The following BBS1 variants were observed in gnomAD, a reference collection of about 807,000 sequenced individuals.
BBS1 encodes the protein Bardet-Biedl syndrome 1.
BBS1 carries 60 observed loss-of-function variants against 73.9 expected under a neutral mutation model. That is an observed-to-expected ratio of 0.81 (90% CI 0.66 to 1.01). The LOEUF (loss-of-function observed/expected upper bound fraction) is 1.01. Among genes scored for constraint, BBS1 ranks in the 50% least tolerant of loss-of-function variants. The pLI is 0.00. For synonymous variants in BBS1, 283 were observed against 317.4 expected, an observed-to-expected ratio of 0.89 and a Z score of 1.15; for missense variants, 718 against 770.3, an observed-to-expected ratio of 0.93 and a Z score of 0.80.
intron 7 of BBS1, among the ~76,000 whole-genome samples, chr11:66,519,293 C>A (rs958516490): frequency 6.6e-6 from 1 of 152,138 alleles, no homozygotes; most frequent in African/African-American, 2.4e-5. Flanking sequence ...ATTGCTTGAA[C>A]CTGCGAGGCA....
chr11:66,511,066 T>C lies in BBS1; in HGVS notation c.101T>C (p.Ile34Thr), dbSNP rs778261474. The change falls in exon 2 of 17, where the codon ATC (isoleucine) becomes ACC (threonine). Residue 34 changes from isoleucine (I) to threonine (T), a missense_variant. Physicochemically the swap from Ile to Thr is moderately conservative, Grantham distance 89. Transcript: ENST00000318312. ...LDAHYDPMAN[I>T]HTFSACLALA... ...GCGCACTACGACCCAATGGCCAATA[T>C]CCACACCTTTTCTGCCTGCCTAGGT... 1 of 1,614,116 alleles carries C rather than the reference T, an allele frequency of 6.2e-7. No homozygotes were observed.
Position 66,522,215 on chromosome 11 carries a change from C to CA in BBS1, c.830+848dup, listed in dbSNP as rs1236710595. Among the ~76,000 whole-genome samples the CA allele has an allele frequency of 5.0e-3, 688 of 138,326 alleles. 4 individuals are homozygous for CA. Among genetic ancestry groups the CA allele is most frequent in the African/African-American group, 0.017 (654 of 37,418 alleles). 90.7% of individuals were successfully genotyped at this position (138,326 alleles called of 152,430 possible). A position where few individuals can be genotyped will look rare whatever the true frequency, so the allele number is the denominator to read the frequency against. On this transcript the variant is annotated intron_variant, in intron 9 of 16. Coordinates refer to ENST00000318312, the MANE Select transcript of BBS1 (RefSeq NM_024649.5). ...CTGGGCACAGAGCGAGACTCTGTCT[C>CA]AAAAAAAAAGAAAAGGAAACAGATG...
chr11:66,527,444 GC>G (rs1856566009), intron 13 of BBS1: 1 of 253,332 alleles, frequency 3.9e-6, no homozygotes, highest in Non-Finnish European at 7.8e-6. Flanking sequence ...GCGGAGATGG[GC>G]AGATCATGAG....
rs1263024783 is a variant in BBS1, at chr11:66,511,048, A to G, written c.83A>G (p.Tyr28Cys). The change falls in exon 2 of 17, where the codon TAC (tyrosine) becomes TGC (cysteine). Residue 28 changes from tyrosine (Y) to cysteine (C), a missense_variant. Coordinates refer to ENST00000318312, the MANE Select transcript of BBS1 (RefSeq NM_024649.5). ...EANSKWLDAHYDPMANIHTFS... is the reference protein window; with the variant it reads ...EANSKWLDAHCDPMANIHTFS... ...AATTCGAAGTGGTTGGATGCGCACTACGACCCAATGGCCAATATCCACACC... is the reference window on the plus strand; with the variant it reads ...AATTCGAAGTGGTTGGATGCGCACTGCGACCCAATGGCCAATATCCACACC... The G allele has an allele frequency of 6.2e-7, 1 of 1,614,046 alleles. No individual in the cohort carries two copies. Among genetic ancestry groups the G allele is most frequent in the African/African-American group, 1.3e-5 (1 of 75,004 alleles).
chr11:66,522,336 CTTT>C (rs748766824), intron 9 of BBS1, among the ~76,000 whole-genome samples: 2 of 143,232 alleles, frequency 1.4e-5, no homozygotes. Flanking sequence ...ATATAAAATG[CTTT>C]TTTTTTTTTT....
chr11:66,526,008 C>A, intron 11 of BBS1, 115 bp from the exon 12 acceptor site: 1 of 877,810 alleles, frequency 1.1e-6, no homozygotes, highest in Non-Finnish European at 1.9e-6. Context: ...AGCGATTCCC[C>A]AGGCCTGTCT....
At chr11:66,524,835 G>A (rs2134801900) in intron 11 of BBS1, among the ~76,000 whole-genome samples, 1 of 152,272 alleles carries the variant, frequency 6.6e-6, no homozygotes, top group South Asian at 2.1e-4. Flanking sequence ...GGAAGGCTGA[G>A]GCAGGCGATC....
Position 66,531,566 on chromosome 11 carries a change from C to G in BBS1, c.1609-90C>G, listed in dbSNP as rs1483337509. ...TGCCCACCCTGCAGGGGTGCTGAGG[C>G]TCAGTGGAGACTGCGGGCCTGAATG... On this transcript the variant is annotated intron_variant, in intron 15 of 16. Coordinates refer to ENST00000318312, the MANE Select transcript of BBS1 (RefSeq NM_024649.5). 2.8e-5 allele frequency: 43 copies of G among 1,547,066 alleles called. No homozygotes were observed. The East Asian group carries it at 9.7e-4, about 35-fold the overall frequency.
chr11:66,516,758 T>C (rs965404767), intron 7 of BBS1, among the ~76,000 whole-genome samples: 3 of 152,102 alleles, frequency 2.0e-5, no homozygotes, highest in South Asian at 2.1e-4. Context: ...AGTCTCACTA[T>C]GTTGCCCAGG....
chr11:66,530,245 AC>A (rs1394708953), intron 14 of BBS1, among the ~76,000 whole-genome samples: 1 of 152,068 alleles, frequency 6.6e-6, no homozygotes, highest in Non-Finnish European at 1.5e-5. Flanking sequence ...CTTCCCAAGA[AC>A]CTGAAGGGAT....
intron 7 of BBS1, among the ~76,000 whole-genome samples, chr11:66,516,411 C>G (rs976873291): frequency 1.3e-5 from 2 of 152,136 alleles, no homozygotes; most frequent in Non-Finnish European, 2.9e-5. Context: ...CAGGTGTGAG[C>G]CATCGTGCCA....
chr11:66,519,771 G>T (rs1318731707), intron 8 of BBS1, 23 bp downstream of exon 8: 1 of 1,611,606 alleles, frequency 6.2e-7, no homozygotes, highest in African/African-American at 1.3e-5. Context: ...TCTGGCCCTG[G>T]GCCCGCTGGA....
At chr11:66,531,914 G>T (rs773951347) in intron 16 of BBS1, 37 bp from the exon 17 acceptor site, 7 of 1,569,982 alleles carry the variant, frequency 4.5e-6, no homozygotes, top group Non-Finnish European at 5.2e-6. Context: ...GGGGTCAGGG[G>T]TGTATGCCCC....
At chr11:66,519,148 G>C (rs1209846341) in intron 7 of BBS1, among the ~76,000 whole-genome samples, 1 of 152,202 alleles carries the variant, frequency 6.6e-6, no homozygotes, top group Admixed American at 6.5e-5. Flanking sequence ...ACTTTAGGGG[G>C]CTGAGGCGGG....
At chr11:66,519,919 G>C (rs1856152280) in intron 8 of BBS1, 171 bp downstream of exon 8, 2 of 739,168 alleles carry the variant, frequency 2.7e-6, no homozygotes, top group Admixed American at 5.5e-5. Context: ...GATGTATACT[G>C]TTAAAGTTGA....
In BBS1 at chr11:66,523,654, C is replaced by T. The variant is rs557602559; in HGVS notation, c.952-70C>T. 148 of 1,611,216 alleles carry T rather than the reference C, an allele frequency of 9.2e-5. No homozygotes were observed. In the African/African-American group the frequency reaches 1.7e-3, roughly 19 times the overall value. On this transcript the variant is annotated intron_variant, in intron 10 of 16. Coordinates refer to ENST00000318312, the MANE Select transcript of BBS1 (RefSeq NM_024649.5). ...CTTGGCAAGAGAGTCCTCTGGCTTCCCCACCCCAGAAACCGTTCTTTCCAC... is the reference window on the plus strand; with the variant it reads ...CTTGGCAAGAGAGTCCTCTGGCTTCTCCACCCCAGAAACCGTTCTTTCCAC...
chr11:66,518,252 C>T (rs1400198926), intron 7 of BBS1, among the ~76,000 whole-genome samples: 1 of 150,778 alleles, frequency 6.6e-6, no homozygotes, highest in Non-Finnish European at 1.5e-5. Context: ...CCACCGCATC[C>T]GGCCTTTTCT....
At chr11:66,529,262 G>C in intron 13 of BBS1, 3 of 1,528,954 alleles carry the variant, frequency 2.0e-6, no homozygotes, top group Middle Eastern at 4.2e-4. Context: ...AGATGTGAGG[G>C]GTGGACCTAG....
Position 66,529,972 on chromosome 11 carries a change from CAG to C in BBS1, c.1473+23_1473+24del, listed in dbSNP as rs771349814. ...GCCGTGGTGAGCATCTGGGTGAGGG[CAG>C]AGTCAGGGCCAGAGGGGCAGAGGCC... On this transcript the variant is annotated intron_variant, in intron 14 of 16. Coordinates refer to ENST00000318312, the MANE Select transcript of BBS1 (RefSeq NM_024649.5). 198 of 1,593,056 alleles carry C rather than the reference CAG, an allele frequency of 1.2e-4. No homozygotes were observed. The highest frequency in any genetic ancestry group is 6.6e-4 in the Middle Eastern group (4 of 6,046).
Sources: gnomAD v4.1 joint callset for allele counts (sites outside exome capture counted in the v4.1 genomes callset) on GRCh38, gnomAD v4.1.1 for gene constraint, MANE v1.5 for transcripts, NCBI Gene and HGNC (gene_info 2026-07-23, HGNC 2026-07-21) for gene names.